The following CADM2 variants were observed in gnomAD, a reference collection of about 807,000 sequenced individuals.
The protein encoded by CADM2 is cell adhesion molecule 2, also known as immunoglobulin superfamily member 4D.
Under a neutral mutation model 49.8 loss-of-function variants are expected in CADM2, and 12 were observed. The ratio of observed to expected loss-of-function variants is 0.24; its 90% CI spans 0.15 to 0.39. The LOEUF (loss-of-function observed/expected upper bound fraction) is 0.39. CADM2 is among the 10% of genes least tolerant of loss of function. The pLI is 1.00. For synonymous variants in CADM2, 214 were observed against 175.4 expected, an observed-to-expected ratio of 1.22 and a Z score of -1.74; for missense variants, 378 against 492.3, an observed-to-expected ratio of 0.77 and a Z score of 2.20.
At chr3:85,735,583 G>A (rs2068100118) in intron 2 of CADM2, among the ~76,000 whole-genome samples, 1 of 152,104 alleles carries the variant, frequency 6.6e-6, no homozygotes, top group Admixed American at 6.6e-5. Flanking sequence ...GGTGAAAAAA[G>A]ACTGCAATGA....
intron 1 of CADM2, among the ~76,000 whole-genome samples, chr3:85,551,295 C>T (rs1424540110): frequency 6.6e-6 from 1 of 152,150 alleles, no homozygotes; most frequent in African/African-American, 2.4e-5. Context: ...TATTCATTTT[C>T]TTAGCAATCC....
intron 1 of CADM2, among the ~76,000 whole-genome samples, chr3:85,207,343 T>C (rs986247609): frequency 2.6e-5 from 4 of 152,148 alleles, no homozygotes; most frequent in African/African-American, 9.7e-5. Flanking sequence ...TGAACATTTA[T>C]TTTTATTTTT....
intron 1 of CADM2, among the ~76,000 whole-genome samples, chr3:85,351,481 C>T (rs2031345578): frequency 6.6e-6 from 1 of 152,108 alleles, no homozygotes; most frequent in African/African-American, 2.4e-5. Flanking sequence ...CATGTTCACT[C>T]CATTATTCCA....
intron 2 of CADM2, among the ~76,000 whole-genome samples, chr3:85,778,568 T>C (rs2107983163): frequency 6.6e-6 from 1 of 152,078 alleles, no homozygotes; most frequent in Middle Eastern, 3.4e-3. Context: ...GTGAAGAAGG[T>C]TTCTCCTTTG....
At chr3:85,884,720 C>A (rs955253166) in intron 4 of CADM2, among the ~76,000 whole-genome samples, 16 of 147,462 alleles carry the variant, frequency 1.1e-4, no homozygotes, top group East Asian at 6.0e-4. Context: ...TTCCAATATT[C>A]TTCTTCTTTT....
At chr3:85,834,932 G>C (rs536600802) in intron 3 of CADM2, among the ~76,000 whole-genome samples, 16 of 151,670 alleles carry the variant, frequency 1.1e-4, no homozygotes, top group Non-Finnish European at 1.8e-4. Flanking sequence ...AACTAGATTA[G>C]CCAAGAAATT....
At chr3:85,969,004 G>T (rs189457357) in intron 8 of CADM2, among the ~76,000 whole-genome samples, 1 of 151,306 alleles carries the variant, frequency 6.6e-6, no homozygotes, top group African/African-American at 2.4e-5. Context: ...AATTCATCAC[G>T]AAGTTCCATC....
chr3:85,488,108 T>C (rs1253544387), intron 1 of CADM2, among the ~76,000 whole-genome samples: 2 of 152,162 alleles, frequency 1.3e-5, no homozygotes, highest in Admixed American at 1.3e-4. Flanking sequence ...CTCAAAGTAA[T>C]AAAGAAATAA....
At chr3:85,857,089 T>G (rs2075345187) in intron 3 of CADM2, among the ~76,000 whole-genome samples, 1 of 152,200 alleles carries the variant, frequency 6.6e-6, no homozygotes, top group African/African-American at 2.4e-5. Context: ...TGTAGACCAC[T>G]GTTTTTTCAT....
chr3:85,772,008 CTTTT>C (rs397938377), intron 2 of CADM2, among the ~76,000 whole-genome samples: 1 of 112,220 alleles, frequency 8.9e-6, no homozygotes, highest in African/African-American at 3.3e-5. Flanking sequence ...TTCTTTCTTT[CTTTT>C]TTTTTTTTTT....
At position 85,276,313 on chromosome 3, in the gene CADM2, G is replaced by A. The variant is rs2043356223; in HGVS notation, c.61+316645G>A. ...ATAATAGTATCTGTCATCAGCAGTC[G>A]TTGCTACTGAAATGATGTACTTTGA... On this transcript the variant is annotated intron_variant, in intron 1 of 9. Transcript: ENST00000383699. 5.3e-5 allele frequency among the ~76,000 whole-genome samples: 8 copies of A among 151,192 alleles called. No individual in the cohort carries two copies. The South Asian group carries it at 1.2e-3, about 24-fold the overall frequency.
intron 7 of CADM2, among the ~76,000 whole-genome samples, chr3:85,954,321 A>T (rs1303650909): frequency 4.6e-5 from 7 of 151,014 alleles, no homozygotes; most frequent in African/African-American, 1.7e-4. Flanking sequence ...ATCTTCAATA[A>T]CAAAAAACCC....
At chr3:85,152,104 C>T (rs2039940552) in intron 1 of CADM2, among the ~76,000 whole-genome samples, 1 of 152,092 alleles carries the variant, frequency 6.6e-6, no homozygotes, top group Non-Finnish European at 1.5e-5. Flanking sequence ...TCTCTCTTCT[C>T]CTAAAGAGAG....
chr3:85,370,039 C>A (rs1452572471), intron 1 of CADM2, among the ~76,000 whole-genome samples: 5 of 151,258 alleles, frequency 3.3e-5, no homozygotes, highest in Admixed American at 1.3e-4. Context: ...TGTCAAAAAC[C>A]CCGTGTCTAC....
chr3:85,089,625 G>T (rs957117594), intron 1 of CADM2, among the ~76,000 whole-genome samples: 4 of 152,066 alleles, frequency 2.6e-5, no homozygotes, highest in Admixed American at 2.6e-4. Context: ...TAATATTTCA[G>T]GTTTAAGGAC....
At chr3:85,867,244 G>A (rs925398830) in intron 3 of CADM2, among the ~76,000 whole-genome samples, 1 of 151,986 alleles carries the variant, frequency 6.6e-6, no homozygotes, top group Non-Finnish European at 1.5e-5. Flanking sequence ...GTTTGAGATA[G>A]AAGATAAACA....
At chr3:85,759,070 T>C (rs2069250487) in intron 2 of CADM2, among the ~76,000 whole-genome samples, 1 of 152,072 alleles carries the variant, frequency 6.6e-6, no homozygotes, top group Non-Finnish European at 1.5e-5. Context: ...TCATTTACTA[T>C]ACAGAGAGGG....
chr3:85,452,381 TAAAGAG>T (rs1407540431), intron 1 of CADM2, among the ~76,000 whole-genome samples: 1 of 152,134 alleles, frequency 6.6e-6, no homozygotes, highest in Non-Finnish European at 1.5e-5. Flanking sequence ...AATGGAGATT[TAAAGAG>T]AAAGTAGAGA....
At chr3:85,057,311 T>C (rs552997047) in intron 1 of CADM2, among the ~76,000 whole-genome samples, 1 of 152,064 alleles carries the variant, frequency 6.6e-6, no homozygotes, top group African/African-American at 2.4e-5. Context: ...TCAGAATTTT[T>C]TTTTTGTTAT....
Sources: allele counts gnomAD v4.1 joint callset (sites outside exome capture counted in the v4.1 genomes callset), GRCh38; gene constraint gnomAD v4.1.1; transcripts MANE v1.5; gene names NCBI Gene and HGNC (gene_info 2026-07-23, HGNC 2026-07-21).